The following DHRS3 variants were observed in gnomAD, a reference collection of about 807,000 sequenced individuals.
DHRS3 encodes the protein dehydrogenase/reductase 3.
DHRS3 carries 14 observed loss-of-function variants against 27.2 expected under a neutral mutation model. The observed-to-expected ratio is 0.52, with a 90% CI of 0.34 to 0.81. The LOEUF is 0.81. Ranked by LOEUF, DHRS3 falls within the 30% of genes least tolerant of loss-of-function variation. The probability of loss-of-function intolerance (pLI) is 0.01; values close to 1 mark genes in which losing one functional copy is unlikely to be tolerated. For synonymous variants in DHRS3, 165 were observed against 175.9 expected (o/e 0.94, Z 0.49); for missense variants, 322 against 406.2 (o/e 0.79, Z 1.78).
At chr1:12,579,503 TCTCA>T in intron 2 of DHRS3, 91 bp from the exon 3 acceptor site, 1 of 1,519,234 alleles carries the variant, frequency 6.6e-7, no homozygotes, top group South Asian at 1.3e-5. Flanking sequence ...TGAGATGGAG[TCTCA>T]CTCTGTTGTC....
Position 12,578,769 on chromosome 1 carries a change from G to C in DHRS3, c.647C>G (p.Thr216Arg). The C allele has an allele frequency of 6.2e-7, 1 of 1,614,142 alleles. No homozygotes were observed. Among genetic ancestry groups the C allele is most frequent in the Non-Finnish European group, 8.5e-7 (1 of 1,180,032 alleles). Reference sequence around the variant, plus strand: ...GGTGCTGGTGTGGAAGGGCAGCACTGTGGTGGCGCTGACTCCCGGACAGTC... The same window carrying C: ...GGTGCTGGTGTGGAAGGGCAGCACTCTGGTGGCGCTGACTCCCGGACAGTC... ...LLDCPGVSAT[T>R]VLPFHTSTEM... The change falls in exon 4 of 6, where the codon ACA (threonine) becomes AGA (arginine). Residue 216 changes from threonine (T) to arginine (R), a missense_variant. Transcript: ENST00000616661. This position sits in a 1 kb window ranked among gnomAD's most constrained non-coding sequence, Gnocchi z 4.5.
intron 1 of DHRS3, among the ~76,000 whole-genome samples, chr1:12,585,203 G>GTATC (rs1193903118): frequency 6.9e-6 from 1 of 145,124 alleles, no homozygotes; most frequent in African/African-American, 2.7e-5. Context: ...GTGTGTGTGT[G>GTATC]TCTGTGTATC....
In DHRS3 at chr1:12,593,728, C is replaced by T. The variant is rs540705431; in HGVS notation, c.196-13062G>A. 4.6e-5 allele frequency among the ~76,000 whole-genome samples: 7 copies of T among 152,272 alleles called. No homozygotes were observed. The East Asian group carries it at 5.8e-4, about 13-fold the overall frequency. On this transcript the variant is annotated intron_variant, in intron 1 of 5. Transcript: ENST00000616661. The surrounding 1 kb of genome is among the most constrained non-coding windows in gnomAD (Gnocchi z 4.6). Reference sequence around the variant, plus strand: ...AACCACGCCCTGCCAAGAGCCAGTACGTGACAACTGGGCAGTCTCCACCTC... The same window carrying T: ...AACCACGCCCTGCCAAGAGCCAGTATGTGACAACTGGGCAGTCTCCACCTC...
chr1:12,568,121 T>C lies in DHRS3; in HGVS notation c.*219A>G. 2.0e-6 allele frequency: 1 copy of C among 508,510 alleles called. No individual in the cohort carries two copies. Among genetic ancestry groups the C allele is most frequent in the Non-Finnish European group, 3.6e-6 (1 of 277,638 alleles). 31.5% of individuals were successfully genotyped at this position (508,510 alleles called of 1,614,324 possible). ...AAATGTTCAAAAGTGTCAAGGTGGC[T>C]TCTGGCTGTTTTCCTGCCTCCCTGT... On this transcript the variant is annotated 3_prime_UTR_variant, in exon 6 of 6. Coordinates refer to ENST00000616661, the MANE Select transcript of DHRS3 (RefSeq NM_004753.7).
At chr1:12,590,530 G>A (rs1018613797) in intron 1 of DHRS3, among the ~76,000 whole-genome samples, 2 of 151,852 alleles carry the variant, frequency 1.3e-5, no homozygotes, top group South Asian at 2.1e-4. Flanking sequence ...AGCTGGTCTC[G>A]AACTCCTGAC....
At chr1:12,568,977 CTT>C in intron 5 of DHRS3, among the ~76,000 whole-genome samples, 1 of 152,160 alleles carries the variant, frequency 6.6e-6, no homozygotes, top group East Asian at 1.9e-4. Context: ...AATCCCAGCA[CTT>C]TGGGAGGCCA....
intron 3 of DHRS3, 30 bp downstream of exon 3, chr1:12,579,263 G>A: frequency 6.2e-7 from 1 of 1,613,992 alleles, no homozygotes; most frequent in Non-Finnish European, 8.5e-7. Context: ...TGCACGCCCG[G>A]GGCTGGCTCT....
chr1:12,581,304 TC>T (rs1009399587), intron 1 of DHRS3, among the ~76,000 whole-genome samples: 2 of 152,222 alleles, frequency 1.3e-5, no homozygotes, highest in African/African-American at 4.8e-5. Flanking sequence ...ACAGCAGAGC[TC>T]TTTATGCACA....
At position 12,586,468 on chromosome 1, in the gene DHRS3, C is replaced by T. The variant is rs984239572; in HGVS notation, c.196-5802G>A. Among the ~76,000 whole-genome samples, 1 of 152,168 alleles carries T rather than the reference C, an allele frequency of 6.6e-6. No homozygotes were observed. Among genetic ancestry groups the T allele is most frequent in the African/African-American group, 2.4e-5 (1 of 41,428 alleles). ...AATGTCCACAACAGCCCCGTCCATC[C>T]AGCACCACACGGACAGCCGGCTATG... On this transcript the variant is annotated intron_variant, in intron 1 of 5. Coordinates refer to ENST00000616661, the MANE Select transcript of DHRS3 (RefSeq NM_004753.7). This position sits in a 1 kb window ranked among gnomAD's most constrained non-coding sequence, Gnocchi z 5.0.
chr1:12,577,901 GT>G (rs1252168458), intron 4 of DHRS3, among the ~76,000 whole-genome samples: 2 of 152,314 alleles, frequency 1.3e-5, no homozygotes, highest in African/African-American at 4.8e-5. Context: ...TAAGCAGACA[GT>G]TTGATTAACT....
chr1:12,608,002 C>T lies in DHRS3; in HGVS notation c.195+9152G>A, dbSNP rs907186342. Among the ~76,000 whole-genome samples, 3 of 151,984 alleles carry T rather than the reference C, an allele frequency of 2.0e-5. No individual in the cohort carries two copies. Among genetic ancestry groups the T allele is most frequent in the South Asian group, 2.1e-4 (1 of 4,816 alleles). On this transcript the variant is annotated intron_variant, in intron 1 of 5. Transcript: ENST00000616661. The surrounding 1 kb of genome is among the most constrained non-coding windows in gnomAD (Gnocchi z 4.1). Reference sequence around the variant, plus strand: ...AAGTGATTCTCCTGCCTCAGTCTCCCGAGTAGCTGGGATCCCAGGCATGCA... The same window carrying T: ...AAGTGATTCTCCTGCCTCAGTCTCCTGAGTAGCTGGGATCCCAGGCATGCA...
intron 1 of DHRS3, among the ~76,000 whole-genome samples, chr1:12,605,210 A>G (rs1557531020): frequency 6.6e-6 from 1 of 152,136 alleles, no homozygotes. Context: ...TGCCACAGCC[A>G]TGTATATTAC....
At chr1:12,581,971 G>C (rs1465770492) in intron 1 of DHRS3, among the ~76,000 whole-genome samples, 2 of 152,178 alleles carry the variant, frequency 1.3e-5, no homozygotes, top group African/African-American at 4.8e-5. Flanking sequence ...ACCCCAACGC[G>C]TGAAACCTAG....
intron 1 of DHRS3, among the ~76,000 whole-genome samples, chr1:12,605,834 C>A (rs1050958925): frequency 1.3e-5 from 2 of 152,036 alleles, no homozygotes; most frequent in Non-Finnish European, 2.9e-5. Flanking sequence ...TTTATGGGGA[C>A]AATGCCCTAA....
chr1:12,605,225 G>C (rs1646862327), intron 1 of DHRS3, among the ~76,000 whole-genome samples: 1 of 152,104 alleles, frequency 6.6e-6, no homozygotes, highest in South Asian at 2.1e-4. Flanking sequence ...TATTACCATG[G>C]TCATGTACAG....
At chr1:12,584,156 G>T (rs1570369244) in intron 1 of DHRS3, among the ~76,000 whole-genome samples, 1 of 152,090 alleles carries the variant, frequency 6.6e-6, no homozygotes, top group Non-Finnish European at 1.5e-5. Flanking sequence ...GGGGCCCTAA[G>T]AATTGCTGGG....
At chr1:12,610,791 C>G (rs574796015) in intron 1 of DHRS3, among the ~76,000 whole-genome samples, 2 of 152,314 alleles carry the variant, frequency 1.3e-5, no homozygotes, top group African/African-American at 4.8e-5. Context: ...TGAAATGTTT[C>G]AAGTATCTTA....
chr1:12,606,328 A>AAT (rs1257376378), intron 1 of DHRS3, among the ~76,000 whole-genome samples: 1 of 150,734 alleles, frequency 6.6e-6, no homozygotes, highest in Non-Finnish European at 1.5e-5. Context: ...AAAAAAAAAA[A>AAT]AGCCAATACC....
At chr1:12,601,047 T>C (rs1226251945) in intron 1 of DHRS3, among the ~76,000 whole-genome samples, 1 of 152,044 alleles carries the variant, frequency 6.6e-6, no homozygotes, top group African/African-American at 2.4e-5. Context: ...CAGGATTAGC[T>C]CTGGAGGGCT....
Sources: gnomAD v4.1 joint callset for allele counts (sites outside exome capture counted in the v4.1 genomes callset) on GRCh38, gnomAD v4.1.1 for gene constraint, Gnocchi (gnomAD v3.1) non-coding constraint, MANE v1.5 for transcripts, NCBI Gene and HGNC (gene_info 2026-07-23, HGNC 2026-07-21) for gene names.